Variants in HDAC9 observed in about 807,000 individuals in gnomAD.
HDAC9 encodes histone deacetylase 9, also known as MEF-2 interacting transcription repressor (MITR) protein.
In HDAC9, 41 loss-of-function variants were observed where a neutral mutation model predicts 139.4. The ratio of observed to expected loss-of-function variants is 0.29; its 90% CI spans 0.23 to 0.38. HDAC9 has a LOEUF of 0.38. Among genes scored for constraint, HDAC9 ranks in the 10% least tolerant of loss-of-function variants. The probability of loss-of-function intolerance (pLI) is 1.00; values close to 1 mark genes in which losing one functional copy is unlikely to be tolerated. For synonymous variants in HDAC9, 517 were observed against 476.2 expected (o/e 1.09, Z -1.12); for missense variants, 1,147 against 1,297.0 (o/e 0.88, Z 1.78).
chr7:18,174,745 C>T (rs554845934), intron 2 of HDAC9, among the ~76,000 whole-genome samples: 9 of 152,296 alleles, frequency 5.9e-5, no homozygotes, highest in Admixed American at 5.2e-4. Flanking sequence ...GCTGGAGGTC[C>T]TCTCCAGACG....
chr7:18,591,408 T>A, intron 4 of HDAC9, 108 bp from the exon 5 acceptor site: 2 of 1,372,274 alleles, frequency 1.5e-6, no homozygotes, highest in Non-Finnish European at 1.9e-6. Context: ...TACTTCTTAA[T>A]CTTTGTCAAA....
chr7:18,376,270 A>G (rs1405652775), intron 1 of HDAC9, among the ~76,000 whole-genome samples: 1 of 152,218 alleles, frequency 6.6e-6, no homozygotes, highest in Non-Finnish European at 1.5e-5. Flanking sequence ...AATAAATTCA[A>G]TCTAGAAGTA....
chr7:18,130,288 G>T (rs1187505574), intron 1 of HDAC9, among the ~76,000 whole-genome samples: 3 of 152,022 alleles, frequency 2.0e-5, no homozygotes, highest in Non-Finnish European at 4.4e-5. Context: ...CCTATATAAT[G>T]CTCAACCTGT....
In HDAC9 at chr7:18,418,084, C is replaced by T. The variant is rs1312832283; in HGVS notation, c.-41-78178C>T. Among the ~76,000 whole-genome samples the T allele has an allele frequency of 1.6e-4, 24 of 152,182 alleles. 1 individual carries two copies. The highest frequency in any genetic ancestry group is 1.5e-3 in the Admixed American group (23 of 15,270). On this transcript the variant is annotated intron_variant, in intron 1 of 3. Coordinates refer to the HDAC9 transcript ENST00000413509. ...CATAGAGCTCACCACCTTTGTTTCT[C>T]ATCTCTCAGGATTGCTATCCTTTGA...
chr7:18,264,924 C>G (rs1365457757), intron 2 of HDAC9, among the ~76,000 whole-genome samples: 1 of 152,104 alleles, frequency 6.6e-6, no homozygotes, highest in South Asian at 2.1e-4. Context: ...TAGTCCACAT[C>G]TTTTTATGGA....
intron 2 of HDAC9, among the ~76,000 whole-genome samples, chr7:18,584,140 C>CTTTTTTTTTTTTTTT (rs3084518): frequency 9.3e-6 from 1 of 107,712 alleles, no homozygotes; most frequent in Non-Finnish European, 1.8e-5. Context: ...AAGCAGCATT[C>CTTTTTTTTTTTTTTT]TTTTTTTTTT....
intron 2 of HDAC9, among the ~76,000 whole-genome samples, chr7:18,195,503 A>G (rs1314750838): frequency 1.3e-5 from 2 of 151,824 alleles, no homozygotes; most frequent in Non-Finnish European, 2.9e-5. Context: ...CTGCCAGATA[A>G]GTTGAGGTTT....
intron 1 of HDAC9, among the ~76,000 whole-genome samples, chr7:18,100,864 A>C (rs1782806489): frequency 6.6e-6 from 1 of 151,858 alleles, no homozygotes; most frequent in African/African-American, 2.4e-5. Flanking sequence ...AATCTTCTTG[A>C]GTATTTTTTT....
chr7:18,937,634 T>A (rs1462943914), intron 23 of HDAC9, among the ~76,000 whole-genome samples: 2 of 152,166 alleles, frequency 1.3e-5, no homozygotes, highest in African/African-American at 4.8e-5. Flanking sequence ...TATTCTGAAA[T>A]CACTTATTTG....
intron 1 of HDAC9, among the ~76,000 whole-genome samples, chr7:18,362,824 G>A (rs1005860751): frequency 2.0e-5 from 3 of 152,098 alleles, no homozygotes; most frequent in Non-Finnish European, 4.4e-5. Context: ...ATCTTGAATA[G>A]TAAAGAGTTC....
chr7:18,530,992 T>C (rs1808743480), intron 2 of HDAC9, among the ~76,000 whole-genome samples: 1 of 151,948 alleles, frequency 6.6e-6, no homozygotes, highest in African/African-American at 2.4e-5. Flanking sequence ...ATTAGCCATT[T>C]TAACAATTTT....
chr7:18,739,109 A>G (rs1787202918), intron 13 of HDAC9, among the ~76,000 whole-genome samples: 1 of 152,202 alleles, frequency 6.6e-6, no homozygotes, highest in Non-Finnish European at 1.5e-5. Context: ...TTTCAGCTCC[A>G]TCAGGCCATT....
intron 2 of HDAC9, among the ~76,000 whole-genome samples, chr7:18,234,449 TTA>T (rs1393208889): frequency 2.6e-5 from 4 of 152,234 alleles, no homozygotes; most frequent in Non-Finnish European, 5.9e-5. Context: ...ATTCATTCTT[TTA>T]TTCCATCTAC....
At chr7:18,453,176 A>G (rs1171674927) in intron 1 of HDAC9, among the ~76,000 whole-genome samples, 1 of 152,152 alleles carries the variant, frequency 6.6e-6, no homozygotes, top group Non-Finnish European at 1.5e-5. Flanking sequence ...GTGGTTTCAA[A>G]AGACTGGAAT....
upstream of HDAC9, among the ~76,000 whole-genome samples, chr7:18,286,117 G>A (rs766679024): frequency 6.6e-6 from 1 of 151,996 alleles, no homozygotes; most frequent in Non-Finnish European, 1.5e-5. Flanking sequence ...TTCTGATTCT[G>A]CAGAATTGAA....
In HDAC9 at chr7:18,665,138, G is replaced by A. The variant is rs1261175314; in HGVS notation, c.1468-1075G>A. ...ATGTATTTTGTAATTATGTGTGAGT[G>A]GGAGGTAAGCATGAATTTGACAAAG... is the stretch of plus-strand genomic sequence containing the variant. On this transcript the variant is annotated intron_variant, in intron 11 of 25. Transcript: ENST00000686413. 4.6e-5 allele frequency among the ~76,000 whole-genome samples: 7 copies of A among 152,218 alleles called. No homozygotes were observed. The East Asian group carries it at 1.4e-3, about 29-fold the overall frequency.
At chr7:18,943,425 T>G (rs1025626841) in intron 23 of HDAC9, among the ~76,000 whole-genome samples, 7 of 152,092 alleles carry the variant, frequency 4.6e-5, no homozygotes, top group African/African-American at 1.2e-4. Flanking sequence ...CTTCTTCCAT[T>G]TATTTTTAGG....
intron 1 of HDAC9, among the ~76,000 whole-genome samples, chr7:18,451,267 C>A (rs1021071324): frequency 5.3e-5 from 8 of 151,940 alleles, no homozygotes; most frequent in African/African-American, 1.9e-4. Flanking sequence ...ACTTCCCAGC[C>A]CCCAGAACTG....
At chr7:18,164,202 G>A (rs1302578958) in intron 2 of HDAC9, among the ~76,000 whole-genome samples, 1 of 152,234 alleles carries the variant, frequency 6.6e-6, no homozygotes, top group East Asian at 1.9e-4. Flanking sequence ...AAATGTGCCA[G>A]GTGGGTAGGA....
Sources: allele counts gnomAD v4.1 joint callset (sites outside exome capture counted in the v4.1 genomes callset), GRCh38; gene constraint gnomAD v4.1.1; transcripts MANE v1.5; gene names NCBI Gene and HGNC (gene_info 2026-07-23, HGNC 2026-07-21).